EBF1: variants seen among roughly 807,000 people sequenced by gnomAD.
EBF1 encodes EBF transcription factor 1.
Under a neutral mutation model 68.4 loss-of-function variants are expected in EBF1, and 10 were observed. That is an observed-to-expected ratio of 0.15 (90% CI 0.09 to 0.25). The LOEUF (loss-of-function observed/expected upper bound fraction) is 0.25, where lower values mean the gene tolerates loss of function less well. Ranked by LOEUF, EBF1 falls within the 10% of genes least tolerant of loss-of-function variation. EBF1 has a pLI of 1.00. For missense variants in EBF1, 509 were observed against 794.4 expected, an observed-to-expected ratio of 0.64 and a Z score of 4.32; for synonymous variants, 298 against 299.8, an observed-to-expected ratio of 0.99 and a Z score of 0.06.
At chr5:158,791,430 G>T (rs1778583224) in intron 9 of EBF1, among the ~76,000 whole-genome samples, 1 of 151,616 alleles carries the variant, frequency 6.6e-6, no homozygotes, top group African/African-American at 2.4e-5. Context: ...GACCAACAAT[G>T]ACTAAATCTA....
chr5:159,087,730 C>G (rs1233833515), intron 4 of EBF1, among the ~76,000 whole-genome samples: 1 of 152,076 alleles, frequency 6.6e-6, no homozygotes, highest in Non-Finnish European at 1.5e-5. Context: ...GACTGAATAT[C>G]ACTTGTTTAA....
At chr5:158,811,834 C>T (rs1453448849) in intron 8 of EBF1, among the ~76,000 whole-genome samples, 2 of 152,154 alleles carry the variant, frequency 1.3e-5, no homozygotes, top group Non-Finnish European at 2.9e-5. Flanking sequence ...AACCTACCTT[C>T]CCTATTTGCC....
intron 4 of EBF1, among the ~76,000 whole-genome samples, chr5:159,094,665 GTAAA>G (rs1437686437): frequency 6.6e-6 from 1 of 152,112 alleles, no homozygotes; most frequent in Non-Finnish European, 1.5e-5. Flanking sequence ...TCACAATCAA[GTAAA>G]TAAATTTTAA....
At chr5:158,823,722 C>T (rs1352525659) in intron 7 of EBF1, among the ~76,000 whole-genome samples, 1 of 152,006 alleles carries the variant, frequency 6.6e-6, no homozygotes, top group Non-Finnish European at 1.5e-5. Flanking sequence ...AATATTTCTC[C>T]CCACTGTGTC....
At chr5:159,003,983 T>C (rs2127655250) in intron 6 of EBF1, among the ~76,000 whole-genome samples, 1 of 152,322 alleles carries the variant, frequency 6.6e-6, no homozygotes, top group South Asian at 2.1e-4. Context: ...GGCTTTAAAA[T>C]GCTTCTCAGT....
chr5:158,700,547 A>T (rs1192957319), intron 15 of EBF1, among the ~76,000 whole-genome samples: 1 of 150,832 alleles, frequency 6.6e-6, no homozygotes, highest in African/African-American at 2.4e-5. Flanking sequence ...AGTACCACAA[A>T]TCCTGCAAGT....
At chr5:159,075,432 C>T (rs1778590711) in intron 5 of EBF1, among the ~76,000 whole-genome samples, 2 of 152,162 alleles carry the variant, frequency 1.3e-5, no homozygotes, top group Admixed American at 6.5e-5. Flanking sequence ...ACCTATTTCT[C>T]CTTCATTTTC....
chr5:158,889,116 C>A (rs1192399449), intron 6 of EBF1, among the ~76,000 whole-genome samples: 2 of 152,202 alleles, frequency 1.3e-5, no homozygotes, highest in Non-Finnish European at 2.9e-5. Flanking sequence ...TGATTTCCCA[C>A]AACTTCAAAC....
chr5:159,070,327 G>A (rs1028342581), intron 6 of EBF1, among the ~76,000 whole-genome samples: 4 of 152,132 alleles, frequency 2.6e-5, no homozygotes, highest in African/African-American at 9.7e-5. Flanking sequence ...AAATTGTCAT[G>A]ATTGTAAAAA....
chr5:158,790,734 C>T (rs936812809), intron 9 of EBF1, among the ~76,000 whole-genome samples: 2 of 152,104 alleles, frequency 1.3e-5, no homozygotes, highest in Middle Eastern at 3.2e-3. Flanking sequence ...ATCTAGAAGA[C>T]GAATTAGGCC....
intron 11 of EBF1, among the ~76,000 whole-genome samples, chr5:158,726,762 C>T (rs923821006): frequency 2.0e-5 from 3 of 152,178 alleles, no homozygotes; most frequent in Non-Finnish European, 4.4e-5. Context: ...CACCTCAAGG[C>T]AGGAGAAGTG....
intron 6 of EBF1, among the ~76,000 whole-genome samples, chr5:159,062,307 A>G (rs7711823): frequency 0.38 from 57,079 of 152,000 alleles, 11,161 homozygotes; most frequent in African/African-American, 0.46. Context: ...CAGAGAGACT[A>G]GCAGGCCAGG....
intron 11 of EBF1, among the ~76,000 whole-genome samples, chr5:158,725,321 C>T (rs955671957): frequency 2.0e-5 from 3 of 152,204 alleles, no homozygotes; most frequent in African/African-American, 7.2e-5. Flanking sequence ...CACTGGTGTT[C>T]ACCTCCCTTA....
At chr5:159,015,807 A>C (rs1341620426) in intron 6 of EBF1, among the ~76,000 whole-genome samples, 2 of 152,326 alleles carry the variant, frequency 1.3e-5, no homozygotes, top group East Asian at 3.9e-4. Context: ...AACGAGTTCC[A>C]TTTAGCCACA....
At chr5:158,839,448 A>C (rs1789668854) in intron 7 of EBF1, among the ~76,000 whole-genome samples, 1 of 152,086 alleles carries the variant, frequency 6.6e-6, no homozygotes, top group Non-Finnish European at 1.5e-5. Context: ...GTGCAGTGGC[A>C]TGACCTCAGC....
chr5:158,979,301 A>G (rs1757440486), intron 6 of EBF1, among the ~76,000 whole-genome samples: 1 of 152,202 alleles, frequency 6.6e-6, no homozygotes, highest in South Asian at 2.1e-4. Flanking sequence ...CTTAAGGTAA[A>G]TATCATACAT....
At chr5:158,728,754 A>G (rs1254692686) in intron 11 of EBF1, among the ~76,000 whole-genome samples, 1 of 152,100 alleles carries the variant, frequency 6.6e-6, no homozygotes, top group Non-Finnish European at 1.5e-5. Context: ...TTGTAGAGAT[A>G]GGGTTTTGTG....
At chr5:158,759,512 G>A (rs1269881464) in intron 10 of EBF1, among the ~76,000 whole-genome samples, 3 of 152,192 alleles carry the variant, frequency 2.0e-5, no homozygotes, top group Admixed American at 1.3e-4. Context: ...GGGATAGGGA[G>A]AGTGAATCTT....
chr5:158,732,643 T>C (rs1291450), intron 10 of EBF1, among the ~76,000 whole-genome samples: 1 of 152,108 alleles, frequency 6.6e-6, no homozygotes, highest in Non-Finnish European at 1.5e-5. Flanking sequence ...AAAAGTACAT[T>C]GTTTTACACA....
Sources: allele counts gnomAD v4.1 joint callset (sites outside exome capture counted in the v4.1 genomes callset), GRCh38; gene constraint gnomAD v4.1.1; transcripts MANE v1.5; gene names NCBI Gene and HGNC (gene_info 2026-07-23, HGNC 2026-07-21).